Variants in PCDHGA10 observed in about 807,000 individuals in gnomAD.
The protein encoded by PCDHGA10 is protocadherin gamma subfamily A, 10, also known as protocadherin gamma-A10.
Under a neutral mutation model 59.5 loss-of-function variants are expected in PCDHGA10, and 42 were observed. That is an observed-to-expected ratio of 0.71 (90% CI 0.55 to 0.91). PCDHGA10 has a LOEUF of 0.91. Among genes scored for constraint, PCDHGA10 ranks in the 40% least tolerant of loss-of-function variants. PCDHGA10 has a pLI of 0.00. For synonymous variants in PCDHGA10, 511 were observed against 517.2 expected (o/e 0.99, Z 0.16); for missense variants, 1,111 against 1,198.2 (o/e 0.93, Z 1.07).
intron 1 of PCDHGA10, among the ~76,000 whole-genome samples, chr5:141,463,541 C>T (rs1423301726): frequency 2.7e-5 from 4 of 150,402 alleles, no homozygotes; most frequent in East Asian, 2.0e-4. Flanking sequence ...CTCCGGCTCC[C>T]GGGTTCATGC....
intron 3 of PCDHGA10, among the ~76,000 whole-genome samples, chr5:141,506,381 G>A (rs750584158): frequency 2.0e-5 from 3 of 151,216 alleles, no homozygotes; most frequent in Non-Finnish European, 4.4e-5. Context: ...CCTGGGAGGT[G>A]GCTGTGGTGA....
Position 141,489,375 on chromosome 5 carries a change from G to C in PCDHGA10, c.2437-5432G>C. On this transcript the variant is annotated intron_variant, in intron 1 of 3. Coordinates refer to ENST00000398610, the MANE Select transcript of PCDHGA10 (RefSeq NM_018913.3). The surrounding 1 kb of genome is among the most constrained non-coding windows in gnomAD (Gnocchi z 4.5). ...AGGAGTCTGAGCCGGGGACGCTGGT[G>C]GGGAATGTTGCTCAGGATCTGGGCT... 1 of 1,613,826 alleles carries C rather than the reference G, an allele frequency of 6.2e-7. No homozygotes were observed.
Position 141,491,324 on chromosome 5 carries a change from T to C in PCDHGA10, c.2437-3483T>C, listed in dbSNP as rs762200164. 16 of 1,614,060 alleles carry C rather than the reference T, an allele frequency of 9.9e-6. No homozygotes were observed. The highest frequency in any genetic ancestry group is 8.3e-5 in the Admixed American group (5 of 60,010). On this transcript the variant is annotated intron_variant, in intron 1 of 3. Transcript: ENST00000398610. This position sits in a 1 kb window ranked among gnomAD's most constrained non-coding sequence, Gnocchi z 6.9. ...CGTTCAGACCTTACCCTTTACCTCA[T>C]TGTGGCTCTAGCGACCGTCAGTCTC...
chr5:141,421,751 C>T (rs751678934), intron 1 of PCDHGA10: 1 of 1,613,932 alleles, frequency 6.2e-7, no homozygotes, highest in South Asian at 1.1e-5. Context: ...CAGCTCAGCC[C>T]TAATAATTAC....
At position 141,487,339 on chromosome 5, in the gene PCDHGA10, A is replaced by T; in HGVS notation, c.2437-7468A>T. On this transcript the variant is annotated intron_variant, in intron 1 of 3. Coordinates refer to ENST00000398610, the MANE Select transcript of PCDHGA10 (RefSeq NM_018913.3). The surrounding 1 kb of genome is among the most constrained non-coding windows in gnomAD (Gnocchi z 5.0). ...AGTGTCTTCGTGGGGCAGCCTGTGG[A>T]GTCACATGCTTTCCTGCTGGCACCT... The T allele has an allele frequency of 1.9e-6, 3 of 1,614,096 alleles. No individual in the cohort carries two copies. Among genetic ancestry groups the T allele is most frequent in the Non-Finnish European group, 2.5e-6 (3 of 1,180,000 alleles).
At chr5:141,501,570 G>C (rs1251110101) in intron 2 of PCDHGA10, among the ~76,000 whole-genome samples, 1 of 151,996 alleles carries the variant, frequency 6.6e-6, no homozygotes, top group African/African-American at 2.4e-5. Flanking sequence ...ATCATATTAG[G>C]CTGGCTTTCA....
At chr5:141,468,783 G>T (rs908838744) in intron 1 of PCDHGA10, among the ~76,000 whole-genome samples, 5 of 151,346 alleles carry the variant, frequency 3.3e-5, no homozygotes, top group East Asian at 2.0e-4. Flanking sequence ...GGAGAATGGC[G>T]TGAACCCGGG....
chr5:141,423,630 T>C, intron 1 of PCDHGA10: 1 of 1,603,994 alleles, frequency 6.2e-7, no homozygotes, highest in Non-Finnish European at 8.5e-7. Flanking sequence ...CAGCTATCAT[T>C]TTAGGCAAAT....
rs777856819 is a variant in PCDHGA10, at chr5:141,487,572, T to A, written c.2437-7235T>A. On this transcript the variant is annotated intron_variant, in intron 1 of 3. Coordinates refer to ENST00000398610, the MANE Select transcript of PCDHGA10 (RefSeq NM_018913.3). The surrounding 1 kb of genome is among the most constrained non-coding windows in gnomAD (Gnocchi z 5.0). ...AGTGCACCTATGGCAGGGGAGCCTG[T>A]TCGCCCAAGCTGCCCACCCTCTGAT... 1 of 1,614,168 alleles carries A rather than the reference T, an allele frequency of 6.2e-7. No individual in the cohort carries two copies. Among genetic ancestry groups the A allele is most frequent in the Non-Finnish European group, 8.5e-7 (1 of 1,180,034 alleles).
At chr5:141,428,066 A>T in intron 1 of PCDHGA10, 2 of 1,609,118 alleles carry the variant, frequency 1.2e-6, no homozygotes, top group Non-Finnish European at 1.7e-6. Context: ...CGGTGGACGC[A>T]GATTCGGGAC....
chr5:141,490,700 C>T lies in PCDHGA10; in HGVS notation c.2437-4107C>T. The T allele has an allele frequency of 6.2e-7, 1 of 1,614,152 alleles. No individual in the cohort carries two copies. Among genetic ancestry groups the T allele is most frequent in the Non-Finnish European group, 8.5e-7 (1 of 1,179,984 alleles). ...TCAGATCCAGACACTGGGGATAATG[C>T]CCGCCTCACCTACTCCATTGTAGGA... On this transcript the variant is annotated intron_variant, in intron 1 of 3. Transcript: ENST00000398610. This position sits in a 1 kb window ranked among gnomAD's most constrained non-coding sequence, Gnocchi z 5.4.
intron 1 of PCDHGA10, chr5:141,427,308 G>A (rs2097014480): frequency 2.2e-6 from 1 of 456,846 alleles, no homozygotes; most frequent in Non-Finnish European, 4.4e-6. Flanking sequence ...GAATGACAAT[G>A]CCCCAGACGT....
chr5:141,457,902 G>A (rs1219261409), intron 1 of PCDHGA10, among the ~76,000 whole-genome samples: 1 of 150,854 alleles, frequency 6.6e-6, no homozygotes, highest in Non-Finnish European at 1.5e-5. Flanking sequence ...GTGTAGACAA[G>A]GTGTGAGGCC....
rs771858105 is a variant in PCDHGA10 at position 141,428,074 on chromosome 5, G to A, written c.2436+12463G>A. 4.4e-6 allele frequency: 7 copies of A among 1,609,112 alleles called. No homozygotes were observed. The African/African-American group carries it at 5.3e-5, about 12-fold the overall frequency. On this transcript the variant is annotated intron_variant, in intron 1 of 3. Transcript: ENST00000398610. The stretch of plus-strand genomic sequence containing the variant: ...GTGGTGGCGGTGGACGCAGATTCGG[G>A]ACACAACGCTTGGCTGTCCTACCAC...
chr5:141,485,441 A>T lies in PCDHGA10; in HGVS notation c.2437-9366A>T. On this transcript the variant is annotated intron_variant, in intron 1 of 3. Coordinates refer to ENST00000398610, the MANE Select transcript of PCDHGA10 (RefSeq NM_018913.3). The surrounding 1 kb of genome is among the most constrained non-coding windows in gnomAD (Gnocchi z 5.7). ...CGGAGCCCTGCTCATCAAGAACCCA[A>T]TCGACCGAGAGGCACTGTGTGGGCT... is the stretch of plus-strand genomic sequence containing the variant. The T allele has an allele frequency of 6.2e-7, 1 of 1,613,910 alleles. No homozygotes were observed. The highest frequency in any genetic ancestry group is 1.1e-5 in the South Asian group (1 of 91,062).
chr5:141,433,076 C>T, intron 1 of PCDHGA10: 1 of 1,614,188 alleles, frequency 6.2e-7, no homozygotes, highest in Non-Finnish European at 8.5e-7. Context: ...CTTCCCCCAG[C>T]CCAACTATGC....
intron 2 of PCDHGA10, among the ~76,000 whole-genome samples, chr5:141,496,410 A>G (rs77823969): frequency 0.019 from 2,839 of 152,308 alleles, 40 homozygotes; most frequent in Middle Eastern, 0.082. Context: ...ATGGTTGAGT[A>G]CTTGCTGTCC....
intron 1 of PCDHGA10, among the ~76,000 whole-genome samples, chr5:141,462,448 G>A (rs1435453503): frequency 6.6e-6 from 1 of 152,022 alleles, no homozygotes; most frequent in Non-Finnish European, 1.5e-5. Context: ...ACACAACTGT[G>A]TAACTGAAAA....
At chr5:141,430,331 T>C (rs1266364984) in intron 1 of PCDHGA10, among the ~76,000 whole-genome samples, 2 of 150,984 alleles carry the variant, frequency 1.3e-5, no homozygotes, top group Non-Finnish European at 2.9e-5. Context: ...TCATTGTTTA[T>C]AGAAACTTCC....
Sources: gnomAD v4.1 joint callset for allele counts (sites outside exome capture counted in the v4.1 genomes callset) on GRCh38, gnomAD v4.1.1 for gene constraint, Gnocchi (gnomAD v3.1) non-coding constraint, MANE v1.5 for transcripts, NCBI Gene and HGNC (gene_info 2026-07-23, HGNC 2026-07-21) for gene names.